NRG3: variants seen among roughly 807,000 people sequenced by gnomAD.
NRG3 encodes the protein neuregulin 3.
In NRG3, 31 loss-of-function variants were observed where a neutral mutation model predicts 66.9. The ratio of observed to expected loss-of-function variants is 0.46; its 90% CI spans 0.35 to 0.63. The LOEUF is 0.63. Ranked by LOEUF, NRG3 falls within the 20% of genes least tolerant of loss-of-function variation. The pLI, the probability that NRG3 is intolerant of heterozygous loss-of-function variation, is 0.00. For missense variants in NRG3, 910 were observed against 878.9 expected, an observed-to-expected ratio of 1.04 and a Z score of -0.45; for synonymous variants, 393 against 359.4, an observed-to-expected ratio of 1.09 and a Z score of -1.06.
At chr10:82,724,902 G>A (rs928595408) in intron 2 of NRG3, among the ~76,000 whole-genome samples, 5 of 151,936 alleles carry the variant, frequency 3.3e-5, no homozygotes, top group East Asian at 1.9e-4. Context: ...ATCAAGGTAC[G>A]TACTGTTTTG....
intron 2 of NRG3, among the ~76,000 whole-genome samples, chr10:82,558,453 G>T (rs2044795355): frequency 1.3e-5 from 2 of 152,082 alleles, no homozygotes; most frequent in Non-Finnish European, 2.9e-5. Context: ...GCCTAGTTCT[G>T]TCACTGCACA....
At chr10:82,180,899 TTTG>T (rs2073372580) in intron 1 of NRG3, among the ~76,000 whole-genome samples, 4 of 151,976 alleles carry the variant, frequency 2.6e-5, no homozygotes, top group South Asian at 4.1e-4. Context: ...TGGATAGTTT[TTTG>T]TTGTTGTTTT....
At chr10:81,910,286 A>AAAT (rs2132738116) in intron 1 of NRG3, among the ~76,000 whole-genome samples, 1 of 152,268 alleles carries the variant, frequency 6.6e-6, no homozygotes, top group African/African-American at 2.4e-5. Flanking sequence ...GAGTAAAGAG[A>AAAT]AATAACTACT....
chr10:82,424,510 A>G (rs1484835358), intron 2 of NRG3, among the ~76,000 whole-genome samples: 1 of 152,014 alleles, frequency 6.6e-6, no homozygotes, highest in Non-Finnish European at 1.5e-5. Flanking sequence ...TATCATTATT[A>G]TATGACATTT....
At chr10:82,082,634 T>C (rs1174417088) in intron 1 of NRG3, among the ~76,000 whole-genome samples, 1 of 152,000 alleles carries the variant, frequency 6.6e-6, no homozygotes, top group African/African-American at 2.4e-5. Flanking sequence ...TGACAAAAAA[T>C]AGAGATGCAG....
rs562569808 is a variant in NRG3, at chr10:82,925,393, A to G, written c.1055-26076A>G. 3.9e-5 allele frequency among the ~76,000 whole-genome samples: 6 copies of G among 152,318 alleles called. No individual in the cohort carries two copies. The East Asian group carries it at 1.2e-3, about 29-fold the overall frequency. ...GTTTCTCTGTGCCCTAATCTTCTCA[A>G]GTGCAACTGGGGTTAATAATGGTCC... On this transcript the variant is annotated intron_variant, in intron 4 of 8. Transcript: ENST00000372141.
At chr10:82,312,656 A>G (rs1273100523) in intron 1 of NRG3, among the ~76,000 whole-genome samples, 1 of 152,242 alleles carries the variant, frequency 6.6e-6, no homozygotes, top group East Asian at 1.9e-4. Context: ...GATGGCACCT[A>G]GTGTATGAAA....
intron 1 of NRG3, among the ~76,000 whole-genome samples, chr10:82,147,954 G>GA (rs2132725816): frequency 6.6e-6 from 1 of 152,266 alleles, no homozygotes; most frequent in Admixed American, 6.5e-5. Flanking sequence ...TCAAGAATGG[G>GA]AAAAGCGTTT....
chr10:82,091,264 T>C (rs2066012848), intron 1 of NRG3, among the ~76,000 whole-genome samples: 2 of 152,262 alleles, frequency 1.3e-5, no homozygotes, highest in South Asian at 2.1e-4. Context: ...GTCCCCGATT[T>C]TCCTATCATC....
chr10:82,699,250 G>GGGAAGGAA (rs71822119), intron 2 of NRG3, among the ~76,000 whole-genome samples: 2 of 148,070 alleles, frequency 1.4e-5, no homozygotes, highest in Admixed American at 1.4e-4. Flanking sequence ...GAAGGAAAGA[G>GGGAAGGAA]GGAAGGAAGG....
chr10:82,395,292 G>A (rs893741070), intron 2 of NRG3, among the ~76,000 whole-genome samples: 6 of 152,072 alleles, frequency 3.9e-5, no homozygotes, highest in South Asian at 2.1e-4. Context: ...GTTAATTGAC[G>A]TACATATATA....
Position 82,256,639 on chromosome 10 carries a change from T to G in NRG3, c.824-102100T>G, listed in dbSNP as rs542596217. ...GATAACTATGGGAATAAAATTCAGA[T>G]TTATTTTCCTAATTCTCTTCTGAAA... is the stretch of plus-strand genomic sequence containing the variant. On this transcript the variant is annotated intron_variant, in intron 1 of 8. Transcript: ENST00000372141. Among the ~76,000 whole-genome samples, 3 of 152,336 alleles carry G rather than the reference T, an allele frequency of 2.0e-5. No homozygotes were observed. In the East Asian group the frequency reaches 5.8e-4, roughly 29 times the overall value.
At chr10:82,644,474 A>G (rs140042472) in intron 2 of NRG3, among the ~76,000 whole-genome samples, 1,543 of 152,224 alleles carry the variant, frequency 0.01, 25 homozygotes, top group African/African-American at 0.036. Context: ...GCTGTTAGAG[A>G]TAAGTTCCAA....
chr10:82,187,899 A>T (rs1455040405), intron 1 of NRG3, among the ~76,000 whole-genome samples: 1 of 152,156 alleles, frequency 6.6e-6, no homozygotes, highest in Non-Finnish European at 1.5e-5. Flanking sequence ...ATACTCAAAG[A>T]ACTCTATAGA....
chr10:81,896,737 T>A, intron 1 of NRG3, among the ~76,000 whole-genome samples: 1 of 151,970 alleles, frequency 6.6e-6, no homozygotes. Flanking sequence ...ATGAAGGTAT[T>A]CAGATAAGTT....
chr10:82,508,693 C>T (rs1379583067), intron 2 of NRG3, among the ~76,000 whole-genome samples: 3 of 152,184 alleles, frequency 2.0e-5, no homozygotes, highest in Non-Finnish European at 4.4e-5. Context: ...TAGACTTTAT[C>T]GTTCAGACTG....
chr10:82,733,215 C>T (rs1350476609), intron 2 of NRG3, among the ~76,000 whole-genome samples: 2 of 152,148 alleles, frequency 1.3e-5, no homozygotes, highest in Admixed American at 6.5e-5. Context: ...TTGGAGCAAA[C>T]ATTTGAACAT....
At chr10:82,784,430 A>C (rs1231441805) in intron 3 of NRG3, among the ~76,000 whole-genome samples, 4 of 152,184 alleles carry the variant, frequency 2.6e-5, no homozygotes, top group East Asian at 3.9e-4. Context: ...CAACCTACAA[A>C]ATGGGAGAAA....
At chr10:82,813,815 G>A (rs774736965) in intron 3 of NRG3, among the ~76,000 whole-genome samples, 1 of 152,106 alleles carries the variant, frequency 6.6e-6, no homozygotes, top group Non-Finnish European at 1.5e-5. Flanking sequence ...ATATTGAAGC[G>A]ATCTTTCCAA....
Sources: allele counts gnomAD v4.1 joint callset (sites outside exome capture counted in the v4.1 genomes callset), GRCh38; gene constraint gnomAD v4.1.1; transcripts MANE v1.5; gene names NCBI Gene and HGNC (gene_info 2026-07-23, HGNC 2026-07-21).